ZNF527: variants seen among roughly 807,000 people sequenced by gnomAD.
ZNF527 encodes zinc finger protein 527.
ZNF527 carries 5 observed loss-of-function variants against 13.5 expected under a neutral mutation model. The ratio of observed to expected loss-of-function variants is 0.37; its 90% CI spans 0.19 to 0.78. The LOEUF (loss-of-function observed/expected upper bound fraction) is 0.78. Ranked by LOEUF, ZNF527 falls within the 30% of genes least tolerant of loss-of-function variation. The probability of loss-of-function intolerance (pLI) is 0.48; values close to 1 mark genes in which losing one functional copy is unlikely to be tolerated. For synonymous variants in ZNF527, 209 were observed against 243.1 expected (o/e 0.86, Z 1.30); for missense variants, 628 against 726.4 (o/e 0.86, Z 1.56).
chr19:37,376,469 T>C (rs1454548562), intron 2 of ZNF527, among the ~76,000 whole-genome samples: 1 of 149,250 alleles, frequency 6.7e-6, no homozygotes, highest in East Asian at 2.0e-4. Flanking sequence ...AGGTCAGGAG[T>C]TCAAGGCTAG....
Position 37,389,211 on chromosome 19 carries a change from T to C in ZNF527, c.1162T>C (p.Cys388Arg). ...RIHTGEKPYECKECNKAFRQS... is the reference protein window; with the variant it reads ...RIHTGEKPYERKECNKAFRQS... ...TCACACAGGTGAGAAACCATATGAATGTAAAGAATGTAATAAAGCCTTCAG... is the reference window on the plus strand; with the variant it reads ...TCACACAGGTGAGAAACCATATGAACGTAAAGAATGTAATAAAGCCTTCAG... The change falls in exon 5 of 5, where the codon TGT becomes CGT. Residue 388 changes from cysteine (C) to arginine (R), a missense_variant. Around this residue, in one of 3 missense-constraint regions of ZNF527, gnomAD observed 592 missense variants for 678.0 expected, o/e 0.87. Coordinates refer to ENST00000436120, the MANE Select transcript of ZNF527 (RefSeq NM_032453.2). The C allele has an allele frequency of 6.2e-7, 1 of 1,614,162 alleles. No homozygotes were observed. The highest frequency in any genetic ancestry group is 8.5e-7 in the Non-Finnish European group (1 of 1,180,042).
Position 37,389,623 on chromosome 19 carries a change from C to T in ZNF527, c.1574C>T (p.Pro525Leu), listed in dbSNP as rs1279892090. 6.2e-7 allele frequency: 1 copy of T among 1,613,944 alleles called. No homozygotes were observed. Among genetic ancestry groups the T allele is most frequent in the Non-Finnish European group, 8.5e-7 (1 of 1,180,018 alleles). Residue 525 changes from proline to leucine, a missense_variant, in exon 5 of 5, where the codon CCC (proline) becomes CTC (leucine). Physicochemically the swap from Pro to Leu is moderately conservative, Grantham distance 98. Transcript: ENST00000436120. ...AAGAGAAGTCATGCAGGAGAGAAAC[C>T]CTATGAATGTAACAAATGTGGAAAG... Reference protein sequence around the residue: ...HHKRSHAGEKPYECNKCGKAF... With the variant: ...HHKRSHAGEKLYECNKCGKAF...
rs1402207570 is a variant in ZNF527, at chr19:37,372,430, A to G, written c.-42+1204A>G. ...GTGATGTATACTGAATTCTAGGTCA[A>G]CCACAGTTGTCCCTTTCTTTTCTTT... On this transcript the variant is annotated intron_variant, in intron 1 of 4. Transcript: ENST00000436120. Among the ~76,000 whole-genome samples, 4 of 149,664 alleles carry G rather than the reference A, an allele frequency of 2.7e-5. No individual in the cohort carries two copies. The East Asian group carries it at 7.8e-4, about 29-fold the overall frequency.
chr19:37,390,112 T>A lies in ZNF527; in HGVS notation c.*233T>A, dbSNP rs954331335. 4.5e-5 allele frequency: 16 copies of A among 356,874 alleles called. No individual in the cohort carries two copies. The highest frequency in any genetic ancestry group is 7.4e-5 in the Non-Finnish European group (15 of 202,932). 22.1% of individuals were successfully genotyped at this position (356,874 alleles called of 1,614,324 possible). ...GGTGTAATCTTGGCTCACTGCAGCC[T>A]CTGCCTCCTGGGTTCAAGCAATCCT... On this transcript the variant is annotated 3_prime_UTR_variant, in exon 5 of 5. Transcript: ENST00000436120.
chr19:37,371,877 ATATG>A (rs912063399), intron 1 of ZNF527, among the ~76,000 whole-genome samples: 91 of 152,258 alleles, frequency 6.0e-4, no homozygotes, highest in African/African-American at 2.2e-3. Flanking sequence ...TTGTGTGTAT[ATATG>A]AGATTGTGGG....
chr19:37,379,345 C>CACTT, intron 3 of ZNF527, 99 bp downstream of exon 3: 1 of 1,193,344 alleles, frequency 8.4e-7, no homozygotes, highest in Non-Finnish European at 1.1e-6. Flanking sequence ...ATCTTAAAAG[C>CACTT]ACTTACTTGC....
At chr19:37,379,352 T>C (rs1026823118) in intron 3 of ZNF527, 106 bp downstream of exon 3, 1 of 1,126,170 alleles carries the variant, frequency 8.9e-7, no homozygotes, top group Admixed American at 2.8e-5. Flanking sequence ...AAGCACTTAC[T>C]TGCCTTTCTA....
chr19:37,374,050 G>T, intron 1 of ZNF527, 108 bp from the exon 2 acceptor site: 1 of 732,814 alleles, frequency 1.4e-6, no homozygotes, highest in Non-Finnish European at 2.4e-6. Context: ...GAAAAGGTGA[G>T]GCTGGCCCAT....
chr19:37,372,457 CTTTT>C (rs2040565339), intron 1 of ZNF527, among the ~76,000 whole-genome samples: 1 of 112,262 alleles, frequency 8.9e-6, no homozygotes, highest in African/African-American at 4.4e-5. Flanking sequence ...CTTTTCTTTT[CTTTT>C]CTTTTCTTTT....
intron 3 of ZNF527, chr19:37,379,957 G>C (rs1048965286): frequency 4.6e-6 from 1 of 216,128 alleles, no homozygotes; most frequent in Admixed American, 5.2e-5. Context: ...AAATGATCCT[G>C]ATGTCTGTTA....
intron 3 of ZNF527, chr19:37,379,916 G>T (rs944775798): frequency 1.7e-5 from 3 of 175,970 alleles, no homozygotes; most frequent in Admixed American, 5.7e-5. Context: ...GTGGGAGTAG[G>T]CTCAGTAGTC....
chr19:37,372,036 A>G (rs1231644114), intron 1 of ZNF527, among the ~76,000 whole-genome samples: 10 of 144,198 alleles, frequency 6.9e-5, no homozygotes, highest in Admixed American at 1.4e-4. Context: ...GTCTCACTCT[A>G]TTGCCCAGGC....
At position 37,390,620 on chromosome 19, in the gene ZNF527, T is replaced by A. The variant is rs2040744588; in HGVS notation, c.*741T>A. ...TTTTTGCCACTCATGAGGAAAGCTTTCCCAAAGAGAAATCTAACAGAGGAA... is the reference window on the plus strand; with the variant it reads ...TTTTTGCCACTCATGAGGAAAGCTTACCCAAAGAGAAATCTAACAGAGGAA... On this transcript the variant is annotated 3_prime_UTR_variant, in exon 5 of 5. Coordinates refer to ENST00000436120, the MANE Select transcript of ZNF527 (RefSeq NM_032453.2). 1.3e-5 allele frequency: 2 copies of A among 152,318 alleles called. No homozygotes were observed. Among genetic ancestry groups the A allele is most frequent in the Admixed American group, 1.3e-4 (2 of 15,294 alleles). The allele number at this position is 152,318 out of a possible 1,614,324, so 9.4% of individuals were successfully genotyped here. A position where few individuals can be genotyped will look rare whatever the true frequency, so the allele number is the denominator to read the frequency against.
chr19:37,388,927 A>G lies in ZNF527; in HGVS notation c.878A>G (p.Gln293Arg), dbSNP rs775410921. 6.2e-7 allele frequency: 1 copy of G among 1,613,676 alleles called. No homozygotes were observed. Among genetic ancestry groups the G allele is most frequent in the South Asian group, 1.1e-5 (1 of 91,070 alleles). The change falls in exon 5 of 5, where the codon CAG becomes CGG. Residue 293 changes from glutamine to arginine, a missense_variant. Physicochemically the swap from Gln to Arg is conservative, Grantham distance 43. Transcript: ENST00000436120. ...TGTTACTCATTCTTTACTCAACCTC[A>G]GAGAATTCACAGTGGAGAAAAACCA... is the stretch of plus-strand genomic sequence containing the variant. ...FSCYSFFTQP[Q>R]RIHSGEKPYA...
intron 2 of ZNF527, among the ~76,000 whole-genome samples, chr19:37,375,311 T>TTTCTTTTCTTTCTTTC (rs760003304): frequency 6.1e-4 from 49 of 79,818 alleles, no homozygotes; most frequent in African/African-American, 1.3e-3. Context: ...TCTTTCTTTC[T>TTTCTTTTCTTTCTTTC]TTTCTTTCTT....
intron 1 of ZNF527, among the ~76,000 whole-genome samples, chr19:37,372,278 C>A (rs981551657): frequency 1.3e-5 from 2 of 151,902 alleles, no homozygotes; most frequent in Admixed American, 1.3e-4. Flanking sequence ...GGATTACAGG[C>A]GTGAGGCGCT....
Position 37,389,401 on chromosome 19 carries a change from T to C in ZNF527, c.1352T>C (p.Phe451Ser), listed in dbSNP as rs1329519870. The C allele has an allele frequency of 1.9e-6, 3 of 1,614,042 alleles. No individual in the cohort carries two copies. Among genetic ancestry groups the C allele is most frequent in the Non-Finnish European group, 2.5e-6 (3 of 1,180,048 alleles). ...AAATGTAGTGAATGTGGGAAGACCTTTGGCTATCGCTCACACCTGAATCAA... is the reference window on the plus strand; with the variant it reads ...AAATGTAGTGAATGTGGGAAGACCTCTGGCTATCGCTCACACCTGAATCAA... ...PFKCSECGKT[F>S]GYRSHLNQHQ... is the part of the protein sequence containing the mutation. The change falls in exon 5 of 5, where the codon TTT becomes TCT. Residue 451 changes from phenylalanine (F) to serine (S), a missense_variant. By Grantham distance (155) the Phe-to-Ser change is radical (BLOSUM62 -2). Coordinates refer to ENST00000436120, the MANE Select transcript of ZNF527 (RefSeq NM_032453.2).
chr19:37,387,182 A>G (rs2040707129), intron 4 of ZNF527, among the ~76,000 whole-genome samples: 1 of 152,222 alleles, frequency 6.6e-6, no homozygotes. Context: ...TTAACCCCCA[A>G]ATGCCAAAAT....
At chr19:37,374,825 A>G (rs2040586011) in intron 2 of ZNF527, among the ~76,000 whole-genome samples, 1 of 152,172 alleles carries the variant, frequency 6.6e-6, no homozygotes, top group East Asian at 1.9e-4. Context: ...TTGTGATCTG[A>G]TTTGATTTAT....
Sources: allele counts gnomAD v4.1 joint callset (sites outside exome capture counted in the v4.1 genomes callset), GRCh38; gene constraint gnomAD v4.1.1; regional missense constraint gnomAD v4.1.1; transcripts MANE v1.5; gene names NCBI Gene and HGNC (gene_info 2026-07-23, HGNC 2026-07-21).